The following KCNQ5 variants were observed in gnomAD, a reference collection of about 807,000 sequenced individuals.
The protein encoded by KCNQ5 is potassium voltage-gated channel subfamily KQT member 5.
A neutral mutation model predicts 98.2 loss-of-function variants in KCNQ5; 30 were observed. The ratio of observed to expected loss-of-function variants is 0.31; its 90% confidence interval spans 0.23 to 0.41. KCNQ5 has a LOEUF of 0.41. Ranked by LOEUF, KCNQ5 falls within the 10% of genes least tolerant of loss-of-function variation. The pLI is 1.00. For missense variants in KCNQ5, 835 were observed against 1,182.5 expected, an observed-to-expected ratio of 0.71 and a Z score of 4.31; for synonymous variants, 458 against 449.4, an observed-to-expected ratio of 1.02 and a Z score of -0.24.
chr6:72,677,975 G>A (rs1050221071), intron 1 of KCNQ5, among the ~76,000 whole-genome samples: 5 of 152,112 alleles, frequency 3.3e-5, no homozygotes, highest in Non-Finnish European at 5.9e-5. Flanking sequence ...ATAATCAGAT[G>A]AACAAGATAT....
At chr6:73,064,665 T>C (rs1772969258) in intron 3 of KCNQ5, among the ~76,000 whole-genome samples, 1 of 152,180 alleles carries the variant, frequency 6.6e-6, no homozygotes, top group Non-Finnish European at 1.5e-5. Flanking sequence ...ACGTGCAAAA[T>C]TGCTGTTCCT....
intron 3 of KCNQ5, chr6:73,055,600 AT>A: frequency 1.5e-6 from 2 of 1,315,024 alleles, no homozygotes; most frequent in Non-Finnish European, 2.2e-6. Flanking sequence ...ATGAAGAAGT[AT>A]TTCCCCAGAT....
chr6:72,826,747 C>T (rs1294001518), intron 1 of KCNQ5, among the ~76,000 whole-genome samples: 2 of 152,076 alleles, frequency 1.3e-5, no homozygotes, highest in Non-Finnish European at 2.9e-5. Context: ...TTTCTTCTAG[C>T]TATTTGAAAC....
intron 1 of KCNQ5, among the ~76,000 whole-genome samples, chr6:72,945,883 C>T (rs1378897293): frequency 1.3e-5 from 2 of 152,076 alleles, no homozygotes; most frequent in Admixed American, 6.6e-5. Flanking sequence ...ATATATTGAC[C>T]GCTCACAAAT....
Position 73,196,268 on chromosome 6 carries a change from A to G in KCNQ5, c.*854A>G, listed in dbSNP as rs1765789295. On this transcript the variant is annotated 3_prime_UTR_variant, in exon 14 of 14. Coordinates refer to ENST00000370398, the MANE Select transcript of KCNQ5 (RefSeq NM_019842.4). ...TGGCGCCAACCCCAGGCTTGCCAAT[A>G]CTGCCTATGTAAAGGGCAAGTGTGA... 1 of 152,240 alleles carries G rather than the reference A, an allele frequency of 6.6e-6. No individual in the cohort carries two copies. Among genetic ancestry groups the G allele is most frequent in the South Asian group, 2.1e-4 (1 of 4,834 alleles). The allele number at this position is 152,240 out of a possible 1,614,324, so 9.4% of individuals were successfully genotyped here. A position where few individuals can be genotyped will look rare whatever the true frequency, so the allele number is the denominator to read the frequency against.
intron 1 of KCNQ5, among the ~76,000 whole-genome samples, chr6:72,774,172 G>C (rs923024360): frequency 6.6e-6 from 1 of 152,108 alleles, no homozygotes; most frequent in African/African-American, 2.4e-5. Flanking sequence ...TAAAATAGGG[G>C]TTGGCAAACT....
chr6:72,784,331 G>A (rs1707476645), intron 1 of KCNQ5, among the ~76,000 whole-genome samples: 1 of 152,186 alleles, frequency 6.6e-6, no homozygotes. Context: ...AGAGAGAAGA[G>A]AAGAGAAGAG....
At chr6:72,672,384 C>T (rs1434998372) in intron 1 of KCNQ5, among the ~76,000 whole-genome samples, 1 of 152,124 alleles carries the variant, frequency 6.6e-6, no homozygotes, top group Non-Finnish European at 1.5e-5. Context: ...AGGGGTGAGC[C>T]ACTGCGCCCA....
intron 1 of KCNQ5, among the ~76,000 whole-genome samples, chr6:72,841,745 G>A (rs1204476218): frequency 6.6e-6 from 1 of 151,864 alleles, no homozygotes; most frequent in Non-Finnish European, 1.5e-5. Flanking sequence ...ATTTGGATAT[G>A]TAATCCTAAT....
chr6:72,776,193 G>A (rs1773155702), intron 1 of KCNQ5, among the ~76,000 whole-genome samples: 1 of 152,080 alleles, frequency 6.6e-6, no homozygotes, highest in South Asian at 2.1e-4. Context: ...CACCGCAACT[G>A]GGAAGCGTGC....
rs187423649 is a variant in KCNQ5, at chr6:72,933,193, G to A, written c.399-70715G>A. 5.1e-4 allele frequency among the ~76,000 whole-genome samples: 78 copies of A among 152,258 alleles called. 1 individual carries two copies. The East Asian group carries it at 0.013, about 26-fold the overall frequency. On this transcript the variant is annotated intron_variant, in intron 1 of 13. Transcript: ENST00000370398. Reference sequence around the variant, plus strand: ...GCTGAGATTAAAAAAATTCTGGACAGAACTTACCATGTTAAGGATTTAAAA... The same window carrying A: ...GCTGAGATTAAAAAAATTCTGGACAAAACTTACCATGTTAAGGATTTAAAA...
chr6:72,643,071 A>T (rs1323725103), intron 1 of KCNQ5, among the ~76,000 whole-genome samples: 1 of 152,134 alleles, frequency 6.6e-6, no homozygotes, highest in Non-Finnish European at 1.5e-5. Context: ...AAACACGTGG[A>T]TGCAAAGAAG....
intron 1 of KCNQ5, among the ~76,000 whole-genome samples, chr6:72,652,235 A>G (rs905143502): frequency 7.0e-5 from 10 of 142,168 alleles, no homozygotes; most frequent in African/African-American, 2.6e-4. Context: ...TGCTTGAGGC[A>G]GAAGCAAAAA....
chr6:72,752,467 A>G (rs9293908), intron 1 of KCNQ5, among the ~76,000 whole-genome samples: 22,018 of 152,122 alleles, frequency 0.14, 5,149 homozygotes, highest in African/African-American at 0.49. Flanking sequence ...TTAGGTAACA[A>G]CTATATCTCA....
intron 1 of KCNQ5, among the ~76,000 whole-genome samples, chr6:72,732,735 T>A (rs964226577): frequency 6.6e-6 from 1 of 152,102 alleles, no homozygotes; most frequent in Non-Finnish European, 1.5e-5. Flanking sequence ...ACAGTGAGAA[T>A]GGGTTGGAGG....
rs142689540 is a variant in KCNQ5, at chr6:72,780,653, A to T, written c.398+158066A>T. On this transcript the variant is annotated intron_variant, in intron 1 of 13. Transcript: ENST00000370398. ...TGAGGAGTGGAAGACTTGGGGGGAGATATGAGATCAGATAATAAGGGGTAT... is the reference window on the plus strand; with the variant it reads ...TGAGGAGTGGAAGACTTGGGGGGAGTTATGAGATCAGATAATAAGGGGTAT... 7.2e-3 allele frequency among the ~76,000 whole-genome samples: 1,094 copies of T among 152,182 alleles called. 8 individuals are homozygous for T. Among genetic ancestry groups the T allele is most frequent in the Non-Finnish European group, 0.011 (733 of 67,996 alleles).
rs1387147381 is a variant in KCNQ5, at chr6:73,196,819, G to A, written c.*1405G>A. The A allele has an allele frequency of 6.6e-6, 1 of 151,986 alleles. No homozygotes were observed. The highest frequency in any genetic ancestry group is 1.5e-5 in the Non-Finnish European group (1 of 68,022). 9.4% of individuals were successfully genotyped at this position (151,986 alleles called of 1,614,324 possible). A position where few individuals can be genotyped will look rare whatever the true frequency, so the allele number is the denominator to read the frequency against. ...TATATCATGGCAGCAAAAAGACCAA[G>A]GGAAACAAAATGACAAATGTATTTA... is the stretch of plus-strand genomic sequence containing the variant. On this transcript the variant is annotated 3_prime_UTR_variant, in exon 14 of 14. Transcript: ENST00000370398.
intron 1 of KCNQ5, among the ~76,000 whole-genome samples, chr6:72,732,105 T>G (rs999618533): frequency 6.6e-6 from 1 of 152,104 alleles, no homozygotes. Context: ...TAAAATACAA[T>G]CCCCAACAAG....
At chr6:72,843,839 A>G (rs1423690136) in intron 1 of KCNQ5, among the ~76,000 whole-genome samples, 2 of 152,204 alleles carry the variant, frequency 1.3e-5, no homozygotes, top group East Asian at 1.9e-4. Flanking sequence ...CTTATACACC[A>G]TGGAATACTA....
Sources: allele counts gnomAD v4.1 joint callset (sites outside exome capture counted in the v4.1 genomes callset), GRCh38; gene constraint gnomAD v4.1.1; transcripts MANE v1.5; gene names NCBI Gene and HGNC (gene_info 2026-07-23, HGNC 2026-07-21).